The following SPTBN4 variants were observed in gnomAD, a reference collection of about 807,000 sequenced individuals.
SPTBN4 encodes spectrin beta, non-erythrocytic 4, also known as spectrin beta chain, non-erythrocytic 4.
In SPTBN4, 96 loss-of-function variants were observed where a neutral mutation model predicts 277.8. The ratio of observed to expected loss-of-function variants is 0.35; its 90% CI spans 0.29 to 0.41. The LOEUF (loss-of-function observed/expected upper bound fraction) is 0.41. SPTBN4 is among the 10% of genes least tolerant of loss of function. The pLI is 1.00. For missense variants in SPTBN4, 3,006 were observed against 3,595.7 expected (o/e 0.84, Z 4.19); for synonymous variants, 1,481 against 1,580.3 (o/e 0.94, Z 1.49).
chr19:40,570,383 A>ACC, intron 32 of SPTBN4, 53 bp from the exon 33 acceptor site: 1 of 1,207,898 alleles, frequency 8.3e-7, no homozygotes, highest in Non-Finnish European at 1.1e-6. Flanking sequence ...CAAACAGATG[A>ACC]CCCCCACACC....
In SPTBN4 at chr19:40,512,898, C is replaced by T; in HGVS notation, c.2109C>T (p.Ile703=). Reference sequence around the variant, plus strand: ...CGCGCCTCCTGGCCCAGCACAAGATCCTGCAGGGCGAGCTGGGCGGGCGGC... The same window carrying T: ...CGCGCCTCCTGGCCCAGCACAAGATTCTGCAGGGCGAGCTGGGCGGGCGGC... The part of the protein sequence containing the change: ...STARLLAQHK[I]LQGELGGRRA... The change falls in exon 14 of 36, where the codon ATC becomes ATT. Residue 703 remains isoleucine, a synonymous_variant. Transcript: ENST00000598249. 1 of 1,435,278 alleles carries T rather than the reference C, an allele frequency of 7.0e-7. No individual in the cohort carries two copies. 88.9% of individuals were successfully genotyped at this position (1,435,278 alleles called of 1,614,324 possible). A position where few individuals can be genotyped will look rare whatever the true frequency, so the allele number is the denominator to read the frequency against.
At chr19:40,553,171 G>A (rs1243080392) in intron 22 of SPTBN4, among the ~76,000 whole-genome samples, 1 of 152,180 alleles carries the variant, frequency 6.6e-6, no homozygotes, top group Non-Finnish European at 1.5e-5. Context: ...AGGTAGCAGG[G>A]TAGCAGACAC....
intron 6 of SPTBN4, among the ~76,000 whole-genome samples, chr19:40,497,227 C>G (rs1025962054): frequency 2.0e-5 from 3 of 152,152 alleles, no homozygotes; most frequent in African/African-American, 7.2e-5. Context: ...GCTGGCCTAC[C>G]CATTCGTCTG....
chr19:40,572,201 C>T lies in SPTBN4; in HGVS notation c.7493+9C>T. 8 of 1,594,386 alleles carry T rather than the reference C, an allele frequency of 5.0e-6. No individual in the cohort carries two copies. Among genetic ancestry groups the T allele is most frequent in the Non-Finnish European group, 6.9e-6 (8 of 1,167,406 alleles). ...CATGTCTTCAAGCTCCAGTGAGCCCCCCAATGGGCAGGAGGGAGGGATCCA... is the reference window on the plus strand; with the variant it reads ...CATGTCTTCAAGCTCCAGTGAGCCCTCCAATGGGCAGGAGGGAGGGATCCA... On this transcript the variant is annotated intron_variant, in intron 34 of 35. Coordinates refer to ENST00000598249, the MANE Select transcript of SPTBN4 (RefSeq NM_020971.3).
chr19:40,485,878 G>C (rs2080066075), intron 2 of SPTBN4, among the ~76,000 whole-genome samples: 1 of 151,720 alleles, frequency 6.6e-6, no homozygotes. Flanking sequence ...ATATACAACT[G>C]TCTGATGGAG....
chr19:40,554,104 A>G lies in SPTBN4; in HGVS notation c.4675-43A>G. 1 of 1,401,964 alleles carries G rather than the reference A, an allele frequency of 7.1e-7. No homozygotes were observed. The highest frequency in any genetic ancestry group is 9.2e-7 in the Non-Finnish European group (1 of 1,089,596). 86.8% of individuals were successfully genotyped at this position (1,401,964 alleles called of 1,614,324 possible). A position where few individuals can be genotyped will look rare whatever the true frequency, so the allele number is the denominator to read the frequency against. On this transcript the variant is annotated intron_variant, in intron 22 of 35. Coordinates refer to ENST00000598249, the MANE Select transcript of SPTBN4 (RefSeq NM_020971.3). The surrounding 1 kb of genome is among the most constrained non-coding windows in gnomAD (Gnocchi z 5.7). Reference sequence around the variant, plus strand: ...AGCGTGTGGTCTTGCAGGGCCTCGGAACGCCCCCTCTCCACCCACATCCCC... The same window carrying G: ...AGCGTGTGGTCTTGCAGGGCCTCGGGACGCCCCCTCTCCACCCACATCCCC...
At chr19:40,518,650 C>T (rs1242433646) in intron 15 of SPTBN4, among the ~76,000 whole-genome samples, 1 of 152,160 alleles carries the variant, frequency 6.6e-6, no homozygotes, top group Non-Finnish European at 1.5e-5. Flanking sequence ...TCTCCAACTC[C>T]TGAGCTCAAG....
chr19:40,519,348 G>A lies in SPTBN4; in HGVS notation c.2904-53G>A. 1 of 1,418,416 alleles carries A rather than the reference G, an allele frequency of 7.1e-7. No homozygotes were observed. Among genetic ancestry groups the A allele is most frequent in the African/African-American group, 1.5e-5 (1 of 67,624 alleles). The allele number at this position is 1,418,416 out of a possible 1,614,324, so 87.9% of individuals were successfully genotyped here. On this transcript the variant is annotated intron_variant, in intron 15 of 35. Transcript: ENST00000598249. This position sits in a 1 kb window ranked among gnomAD's most constrained non-coding sequence, Gnocchi z 5.7. Reference sequence around the variant, plus strand: ...TCTACCCTGGGTCGGCGGGCCCTCCGCGCCCAAGAGGAGTCCCTGTCCTCC... The same window carrying A: ...TCTACCCTGGGTCGGCGGGCCCTCCACGCCCAAGAGGAGTCCCTGTCCTCC...
chr19:40,549,591 C>T (rs2080895353), intron 21 of SPTBN4, among the ~76,000 whole-genome samples, 178 bp downstream of exon 21: 1 of 152,216 alleles, frequency 6.6e-6, no homozygotes, highest in Admixed American at 6.5e-5. Flanking sequence ...TTGAATCATT[C>T]GTTGATTTAT....
chr19:40,571,971 T>G, intron 33 of SPTBN4, 48 bp from the exon 34 acceptor site: 1 of 1,493,942 alleles, frequency 6.7e-7, no homozygotes, highest in African/African-American at 1.4e-5. Flanking sequence ...GAAGAGTTAT[T>G]AGGCAGAGTG....
chr19:40,572,730 G>A (rs1378595013), intron 35 of SPTBN4: 14 of 222,208 alleles, frequency 6.3e-5, no homozygotes, highest in African/African-American at 2.3e-4. Flanking sequence ...AGGCCAAGAC[G>A]GGCAGATCAC....
In SPTBN4 at chr19:40,515,182, GAGA is replaced by G. The variant is rs34104750; in HGVS notation, c.2766-126_2766-124del. On this transcript the variant is annotated intron_variant, in intron 14 of 35. Transcript: ENST00000598249. This position sits in a 1 kb window ranked among gnomAD's most constrained non-coding sequence, Gnocchi z 4.1. ...TAAATAAAATAAGCAGCAAGTAGAA[GAGA>G]AGGAGCCCACAAAGGAGGCTGAAAA... is the stretch of plus-strand genomic sequence containing the variant. 0.14 allele frequency: 111,402 copies of G among 818,694 alleles called. 9,832 individuals are homozygous for G. The highest frequency in any genetic ancestry group is 0.39 in the African/African-American group (21,486 of 55,166). 50.7% of individuals were successfully genotyped at this position (818,694 alleles called of 1,614,324 possible). A position where few individuals can be genotyped will look rare whatever the true frequency, so the allele number is the denominator to read the frequency against.
intron 17 of SPTBN4, among the ~76,000 whole-genome samples, chr19:40,524,322 T>C (rs143043088): frequency 6.7e-6 from 1 of 149,264 alleles, no homozygotes; most frequent in Non-Finnish European, 1.5e-5. Context: ...CTGGGCAACA[T>C]AGTGAGACCC....
chr19:40,522,829 G>A (rs2080543865), intron 16 of SPTBN4, among the ~76,000 whole-genome samples: 1 of 151,862 alleles, frequency 6.6e-6, no homozygotes, highest in Admixed American at 6.6e-5. Flanking sequence ...TACATGCTAT[G>A]AGAAATAATA....
chr19:40,529,936 C>G (rs1281886971), intron 18 of SPTBN4, among the ~76,000 whole-genome samples: 1 of 152,082 alleles, frequency 6.6e-6, no homozygotes, highest in Non-Finnish European at 1.5e-5. Context: ...ATTCGACCCT[C>G]CCCCCTATGT....
intron 35 of SPTBN4, among the ~76,000 whole-genome samples, chr19:40,573,323 G>C (rs2081171414): frequency 6.6e-6 from 1 of 152,080 alleles, no homozygotes; most frequent in Admixed American, 6.6e-5. Context: ...AAAACAAGAG[G>C]GGGTGGGTGA....
chr19:40,468,265 T>G (rs1310243151), intron 1 of SPTBN4, among the ~76,000 whole-genome samples: 13 of 150,702 alleles, frequency 8.6e-5, no homozygotes, highest in African/African-American at 3.2e-4. Context: ...TTAGTAGACA[T>G]GGGGTTTCAC....
intron 26 of SPTBN4, among the ~76,000 whole-genome samples, chr19:40,558,774 AT>A (rs2081010979): frequency 6.6e-6 from 1 of 151,698 alleles, no homozygotes; most frequent in African/African-American, 2.4e-5. Context: ...CACCTGGCTA[AT>A]TTTTATATTT....
intron 17 of SPTBN4, 122 bp downstream of exon 17, chr19:40,523,761 T>A: frequency 1.1e-6 from 1 of 906,620 alleles, no homozygotes; most frequent in Non-Finnish European, 1.6e-6. Context: ...TCTGGGGCTC[T>A]TTCCTATTTC....
Sources: allele counts gnomAD v4.1 joint callset (sites outside exome capture counted in the v4.1 genomes callset), GRCh38; gene constraint gnomAD v4.1.1; non-coding constraint Gnocchi (gnomAD v3.1); transcripts MANE v1.5; gene names NCBI Gene and HGNC (gene_info 2026-07-23, HGNC 2026-07-21).